ZNF385D: variants seen among roughly 807,000 people sequenced by gnomAD.
ZNF385D encodes zinc finger protein 385D.
Under a neutral mutation model 35.8 loss-of-function variants are expected in ZNF385D, and 15 were observed. The ratio of observed to expected loss-of-function variants is 0.42; its 90% CI spans 0.28 to 0.64. The LOEUF is 0.64. ZNF385D is among the 30% of genes least tolerant of loss of function. The pLI, the probability that ZNF385D is intolerant of heterozygous loss-of-function variation, is 0.23. For missense variants in ZNF385D, 474 were observed against 494.6 expected, an observed-to-expected ratio of 0.96 and a Z score of 0.39; for synonymous variants, 212 against 186.8, an observed-to-expected ratio of 1.13 and a Z score of -1.10.
At chr3:22,029,474 G>A (rs1348900791) in intron 3 of ZNF385D, among the ~76,000 whole-genome samples, 1 of 152,186 alleles carries the variant, frequency 6.6e-6, no homozygotes, top group Non-Finnish European at 1.5e-5. Flanking sequence ...GGTGCTTGCT[G>A]AAGGCAAGGA....
intron 1 of ZNF385D, among the ~76,000 whole-genome samples, chr3:21,701,552 C>T (rs772139452): frequency 4.6e-5 from 7 of 152,060 alleles, no homozygotes; most frequent in Non-Finnish European, 7.4e-5. Context: ...CCTCACATTT[C>T]GAAACCAATC....
At chr3:21,686,485 A>G (rs925636939) in intron 1 of ZNF385D, among the ~76,000 whole-genome samples, 1 of 152,220 alleles carries the variant, frequency 6.6e-6, no homozygotes, top group Non-Finnish European at 1.5e-5. Flanking sequence ...TCACATATGC[A>G]TTTTTGAATT....
intron 4 of ZNF385D, among the ~76,000 whole-genome samples, chr3:21,499,741 T>C (rs1309853928): frequency 6.6e-6 from 1 of 152,172 alleles, no homozygotes; most frequent in Non-Finnish European, 1.5e-5. Context: ...CCTTCATCTT[T>C]AGGTTTGGCC....
intron 1 of ZNF385D, among the ~76,000 whole-genome samples, chr3:21,735,533 T>G (rs1304428476): frequency 1.3e-5 from 2 of 152,128 alleles, no homozygotes; most frequent in South Asian, 2.1e-4. Flanking sequence ...AAAATTCTTC[T>G]ATTGGATATT....
intron 2 of ZNF385D, among the ~76,000 whole-genome samples, chr3:22,195,223 A>C (rs1221087732): frequency 1.3e-5 from 2 of 151,940 alleles, no homozygotes; most frequent in African/African-American, 4.8e-5. Context: ...TTAATGACTA[A>C]TGATATTGAA....
intron 3 of ZNF385D, among the ~76,000 whole-genome samples, chr3:21,946,292 C>T (rs1367262361): frequency 1.3e-5 from 2 of 152,072 alleles, no homozygotes; most frequent in South Asian, 2.1e-4. Context: ...ATTTTACATT[C>T]TTTATATACA....
At chr3:21,860,988 G>A (rs550252182) in intron 3 of ZNF385D, among the ~76,000 whole-genome samples, 1 of 152,178 alleles carries the variant, frequency 6.6e-6, no homozygotes, top group African/African-American at 2.4e-5. Flanking sequence ...GCTGATATAT[G>A]GTAAAGGTTT....
At chr3:21,821,492 G>A (rs929918454) in intron 3 of ZNF385D, among the ~76,000 whole-genome samples, 4 of 152,144 alleles carry the variant, frequency 2.6e-5, no homozygotes, top group African/African-American at 7.2e-5. Context: ...ATCATGTAAT[G>A]TAAAATCTAT....
Position 22,301,471 on chromosome 3 carries a change from T to G in ZNF385D, c.106+70979A>C, listed in dbSNP as rs183384585. ...AATAAGTATGTACAGTAATGCATAT[T>G]TGATCAGATTTAGTCATTCCCTAAT... On this transcript the variant is annotated intron_variant, in intron 2 of 5. Transcript: ENST00000494108. Among the ~76,000 whole-genome samples the G allele has an allele frequency of 4.1e-3, 623 of 152,170 alleles. 4 individuals are homozygous for G. The highest frequency in any genetic ancestry group is 0.014 in the African/African-American group (598 of 41,556).
chr3:22,235,026 G>T (rs539437382), intron 2 of ZNF385D, among the ~76,000 whole-genome samples: 1 of 152,120 alleles, frequency 6.6e-6, no homozygotes, highest in South Asian at 2.1e-4. Context: ...ATAAAGAGAA[G>T]ATTTCAAGTG....
chr3:21,648,791 G>A (rs879352182), intron 2 of ZNF385D, among the ~76,000 whole-genome samples: 4 of 152,178 alleles, frequency 2.6e-5, no homozygotes, highest in Non-Finnish European at 5.9e-5. Context: ...GACAAGTACA[G>A]TATTACTAAG....
chr3:21,774,954 T>C (rs1297574204), intron 3 of ZNF385D, among the ~76,000 whole-genome samples: 1 of 151,912 alleles, frequency 6.6e-6, no homozygotes, highest in East Asian at 1.9e-4. Flanking sequence ...ACTGGCTTTC[T>C]AGAGAGGCAA....
intron 2 of ZNF385D, among the ~76,000 whole-genome samples, chr3:22,216,052 G>A (rs1017274360): frequency 6.6e-6 from 1 of 151,898 alleles, no homozygotes; most frequent in African/African-American, 2.4e-5. Context: ...GTGTTCCCAG[G>A]CAAAATATAT....
At chr3:21,963,283 G>GT (rs1035923920) in intron 3 of ZNF385D, among the ~76,000 whole-genome samples, 2 of 152,164 alleles carry the variant, frequency 1.3e-5, no homozygotes, top group Non-Finnish European at 2.9e-5. Context: ...TTGGGTCTAT[G>GT]TGAGGGTGTG....
intron 2 of ZNF385D, among the ~76,000 whole-genome samples, chr3:22,188,468 G>C (rs1028044081): frequency 5.1e-5 from 7 of 136,328 alleles, no homozygotes; most frequent in Non-Finnish European, 9.4e-5. Flanking sequence ...TTTTTTTTTT[G>C]AGACGGAGTC....
chr3:22,032,523 G>A (rs1363920851), intron 3 of ZNF385D, among the ~76,000 whole-genome samples: 1 of 152,132 alleles, frequency 6.6e-6, no homozygotes, highest in African/African-American at 2.4e-5. Flanking sequence ...TACAATTTGA[G>A]ATGAGATTTG....
At chr3:22,114,213 C>A (rs1298421143) in intron 3 of ZNF385D, among the ~76,000 whole-genome samples, 1 of 151,940 alleles carries the variant, frequency 6.6e-6, no homozygotes, top group African/African-American at 2.4e-5. Flanking sequence ...TTACTTCTCG[C>A]TGTTAAACAT....
intron 2 of ZNF385D, among the ~76,000 whole-genome samples, chr3:21,596,852 C>T (rs1377526903): frequency 6.6e-6 from 1 of 152,014 alleles, no homozygotes; most frequent in Non-Finnish European, 1.5e-5. Context: ...CTCTTCTCTG[C>T]ATAGGTAAGA....
rs181796683 is a variant in ZNF385D, at chr3:22,355,367, A to G, written c.106+17083T>C. Among the ~76,000 whole-genome samples, 29 of 152,152 alleles carry G rather than the reference A, an allele frequency of 1.9e-4. No individual in the cohort carries two copies. The South Asian group carries it at 3.7e-3, about 20-fold the overall frequency. On this transcript the variant is annotated intron_variant, in intron 2 of 5. Transcript: ENST00000494108. ...AAGACTCATCTGAATCTATACATCT[A>G]TATTTTACATCACACATATTCTTTC...
Sources: allele counts gnomAD v4.1 joint callset (sites outside exome capture counted in the v4.1 genomes callset), GRCh38; gene constraint gnomAD v4.1.1; transcripts MANE v1.5; gene names NCBI Gene and HGNC (gene_info 2026-07-23, HGNC 2026-07-21).